Variants in LRTM1 observed in about 807,000 individuals in gnomAD.
LRTM1 encodes the protein leucine-rich repeat and transmembrane domain-containing protein 1.
A neutral mutation model predicts 32.4 loss-of-function variants in LRTM1; 38 were observed. That is an observed-to-expected ratio of 1.17 (90% CI 0.91 to 1.54). LRTM1 has a LOEUF of 1.54. LRTM1 is among the 40% of genes most tolerant of loss of function. LRTM1 has a pLI of 0.00. For synonymous variants in LRTM1, 186 were observed against 169.9 expected, an observed-to-expected ratio of 1.09 and a Z score of -0.74; for missense variants, 466 against 415.4, an observed-to-expected ratio of 1.12 and a Z score of -1.06.
Position 54,918,804 on chromosome 3 carries a change from G to A in LRTM1, c.693C>T (p.Pro231=). ...CTGGATCAGGAGCAGGAAGAGGGCAGGGCTGGTACAGCTCATGAGGGATCC... is the reference window on the plus strand; with the variant it reads ...CTGGATCAGGAGCAGGAAGAGGGCAAGGCTGGTACAGCTCATGAGGGATCC... ...LLRIPHELYQ[P]CPLPAPDPVS... The change falls in exon 3 of 3, where the codon CCC becomes CCT. Residue 231 remains proline, a synonymous_variant. Coordinates refer to ENST00000273286, the MANE Select transcript of LRTM1 (RefSeq NM_020678.4). The A allele has an allele frequency of 1.2e-6, 2 of 1,613,764 alleles. No homozygotes were observed. The highest frequency in any genetic ancestry group is 8.5e-7 in the Non-Finnish European group (1 of 1,179,828).
chr3:54,934,715 C>CTGTTT (rs981640409), intron 1 of LRTM1, among the ~76,000 whole-genome samples: 5 of 152,058 alleles, frequency 3.3e-5, no homozygotes, highest in African/African-American at 1.2e-4. Context: ...GCTCACCAGT[C>CTGTTT]TGTTTTGTTT....
Position 54,953,227 on chromosome 3 carries a change from C to T in LRTM1, c.-222+13701G>A, listed in dbSNP as rs574911120. Among the ~76,000 whole-genome samples the T allele has an allele frequency of 3.9e-5, 6 of 152,288 alleles. No homozygotes were observed. The South Asian group carries it at 8.3e-4, about 21-fold the overall frequency. On this transcript the variant is annotated intron_variant, in intron 1 of 2. Coordinates refer to the LRTM1 transcript ENST00000493075. The stretch of plus-strand genomic sequence containing the variant: ...ACAAACGTATAAGGTGTGCATGACT[C>T]CTGTTCCCATTGTGCAAATGAGAAA...
chr3:54,920,425 T>C (rs1700809827), intron 2 of LRTM1, among the ~76,000 whole-genome samples: 2 of 152,144 alleles, frequency 1.3e-5, no homozygotes, highest in South Asian at 4.1e-4. Flanking sequence ...CAGAGTGTCT[T>C]GGGTTCCTCC....
intron 1 of LRTM1, among the ~76,000 whole-genome samples, chr3:54,944,386 ATT>A (rs2106994884): frequency 6.6e-6 from 1 of 151,230 alleles, no homozygotes; most frequent in Non-Finnish European, 1.5e-5. Flanking sequence ...TTTATTTTAA[ATT>A]TCCCAGGGTA....
At chr3:54,940,331 T>C (rs1280173723) in intron 1 of LRTM1, among the ~76,000 whole-genome samples, 3 of 152,246 alleles carry the variant, frequency 2.0e-5, no homozygotes, top group South Asian at 2.1e-4. Context: ...TCTAAAAATA[T>C]ATTCAACTTC....
intron 1 of LRTM1, among the ~76,000 whole-genome samples, chr3:54,949,081 C>T (rs1701689674): frequency 6.6e-6 from 1 of 152,154 alleles, no homozygotes; most frequent in Non-Finnish European, 1.5e-5. Flanking sequence ...TCATCCAGTG[C>T]CCCCAGTATT....
chr3:54,954,575 A>C (rs1253797087), intron 1 of LRTM1, among the ~76,000 whole-genome samples: 1 of 152,064 alleles, frequency 6.6e-6, no homozygotes, highest in Non-Finnish European at 1.5e-5. Flanking sequence ...TCCAGTCCAA[A>C]TCATCTTTCC....
intron 1 of LRTM1, among the ~76,000 whole-genome samples, chr3:54,956,562 C>A (rs1369927072): frequency 3.3e-5 from 5 of 152,162 alleles, no homozygotes; most frequent in African/African-American, 1.2e-4. Context: ...AAAATACTTT[C>A]TCCCCCACTC....
At chr3:54,966,718 C>G (rs184202507) in intron 1 of LRTM1, among the ~76,000 whole-genome samples, 319 of 152,228 alleles carry the variant, frequency 2.1e-3, no homozygotes, top group African/African-American at 7.2e-3. Flanking sequence ...ACTCGGGAGG[C>G]TGAGGCATGA....
At chr3:54,961,784 G>A (rs1444270836) in intron 1 of LRTM1, among the ~76,000 whole-genome samples, 1 of 152,138 alleles carries the variant, frequency 6.6e-6, no homozygotes, top group African/African-American at 2.4e-5. Context: ...GAAGGGGTGG[G>A]TGACAGGACA....
At chr3:54,951,430 T>C (rs1701754018) in intron 1 of LRTM1, among the ~76,000 whole-genome samples, 1 of 152,158 alleles carries the variant, frequency 6.6e-6, no homozygotes, top group Non-Finnish European at 1.5e-5. Flanking sequence ...TCGACACCAT[T>C]AGGGACATGG....
At chr3:54,920,047 A>G (rs539113831) in intron 2 of LRTM1, among the ~76,000 whole-genome samples, 4 of 152,320 alleles carry the variant, frequency 2.6e-5, no homozygotes, top group Non-Finnish European at 4.4e-5. Flanking sequence ...TCAGGCTGCC[A>G]TAAGCACCTC....
intron 2 of LRTM1, among the ~76,000 whole-genome samples, chr3:54,921,050 A>G (rs527565893): frequency 4.6e-5 from 7 of 152,252 alleles, no homozygotes; most frequent in Admixed American, 2.0e-4. Context: ...CCACCATTTC[A>G]TGGGCCATGA....
chr3:54,959,244 G>A (rs61454541), intron 1 of LRTM1, among the ~76,000 whole-genome samples: 60,796 of 152,076 alleles, frequency 0.4, 13,298 homozygotes, highest in East Asian at 0.56. Context: ...GCGGCACAGG[G>A]TGGTGTTCAG....
intron 1 of LRTM1, among the ~76,000 whole-genome samples, chr3:54,927,588 A>G (rs1018788640): frequency 1.4e-4 from 22 of 152,254 alleles, no homozygotes; most frequent in African/African-American, 5.1e-4. Flanking sequence ...CAATTTGTTC[A>G]TTCTTTCTTT....
intron 1 of LRTM1, among the ~76,000 whole-genome samples, chr3:54,947,051 A>T (rs1014744340): frequency 6.6e-6 from 1 of 152,208 alleles, no homozygotes; most frequent in Non-Finnish European, 1.5e-5. Flanking sequence ...GGAACCCCAT[A>T]ATGAAAGTGA....
rs533596688 is a variant in LRTM1, at chr3:54,918,332, C to CTTTT, written c.*123_*126dup. ...TTTTACAGACACATCTTTTTTTTTTCTTTTTTTTTTTTTTTTTTTTTTTGT... is the reference window on the plus strand; with the variant it reads ...TTTTACAGACACATCTTTTTTTTTTCTTTTTTTTTTTTTTTTTTTTTTTTTTTGT... On this transcript the variant is annotated 3_prime_UTR_variant, in exon 3 of 3. Coordinates refer to ENST00000273286, the MANE Select transcript of LRTM1 (RefSeq NM_020678.4). 0.036 allele frequency: 8,228 copies of CTTTT among 227,926 alleles called. 1,309 individuals carry two copies. Among genetic ancestry groups the CTTTT allele is most frequent in the Non-Finnish European group, 0.046 (5,799 of 126,058 alleles). 14.1% of individuals were successfully genotyped at this position (227,926 alleles called of 1,614,324 possible). A position where few individuals can be genotyped will look rare whatever the true frequency, so the allele number is the denominator to read the frequency against.
At chr3:54,933,131 C>A (rs2106961319) in intron 1 of LRTM1, among the ~76,000 whole-genome samples, 1 of 146,230 alleles carries the variant, frequency 6.8e-6, no homozygotes, top group South Asian at 2.2e-4. Context: ...TGGACCTCTG[C>A]CTTTGGATTT....
chr3:54,936,938 T>G (rs1463894428), intron 1 of LRTM1, among the ~76,000 whole-genome samples: 1 of 152,054 alleles, frequency 6.6e-6, no homozygotes, highest in Admixed American at 6.5e-5. Context: ...CGGCTGATGT[T>G]TATAAGTTCC....
Sources: gnomAD v4.1 joint callset for allele counts (sites outside exome capture counted in the v4.1 genomes callset) on GRCh38, gnomAD v4.1.1 for gene constraint, MANE v1.5 for transcripts, NCBI Gene and HGNC (gene_info 2026-07-23, HGNC 2026-07-21) for gene names.